The following SOD1 variants were observed in gnomAD, a reference collection of about 807,000 sequenced individuals.
SOD1 encodes superoxide dismutase [Cu-Zn].
A neutral mutation model predicts 15.9 loss-of-function variants in SOD1; 8 were observed. The ratio of observed to expected loss-of-function variants is 0.50; its 90% CI spans 0.30 to 0.91. The LOEUF (loss-of-function observed/expected upper bound fraction) is 0.91, where lower values mean the gene tolerates loss of function less well. SOD1 is among the 40% of genes least tolerant of loss of function. The pLI, the probability that SOD1 is intolerant of heterozygous loss-of-function variation, is 0.07. For synonymous variants in SOD1, 86 were observed against 71.2 expected, an observed-to-expected ratio of 1.21 and a Z score of -1.04; for missense variants, 137 against 194.5, an observed-to-expected ratio of 0.70 and a Z score of 1.76.
chr21:31,661,032 G>A (rs1001341759), intron 1 of SOD1, among the ~76,000 whole-genome samples: 6 of 152,198 alleles, frequency 3.9e-5, no homozygotes, highest in Non-Finnish European at 7.3e-5. Context: ...TGCAAGGAAG[G>A]TGCTTGTGAT....
intron 1 of SOD1, 143 bp downstream of exon 1, chr21:31,659,984 G>C (rs1199490456): frequency 2.8e-6 from 2 of 717,318 alleles, no homozygotes; most frequent in Non-Finnish European, 4.4e-6. Flanking sequence ...CGCCCGGTCG[G>C]TGCCTTCGCC....
At position 31,662,634 on chromosome 21, in the gene SOD1, T is replaced by G. The variant is rs17880227; in HGVS notation, c.73-1156T>G. 2.2e-4 allele frequency among the ~76,000 whole-genome samples: 34 copies of G among 152,322 alleles called. No homozygotes were observed. In the South Asian group the frequency reaches 6.6e-3, roughly 30 times the overall value. On this transcript the variant is annotated intron_variant, in intron 1 of 4. Transcript: ENST00000270142. ...CTAGGTTTCAGTGCTTGAAAAGATT[T>G]CAGAAAGCAGTAGTACGTCTGGTTA...
At chr21:31,664,032 C>T (rs559407424) in intron 2 of SOD1, 146 bp downstream of exon 2, 16 of 670,150 alleles carry the variant, frequency 2.4e-5, no homozygotes, top group South Asian at 6.0e-5. Context: ...AGTGCAGTGG[C>T]GCTGTGCGAT....
At chr21:31,664,670 G>A (rs1275453831) in intron 2 of SOD1, among the ~76,000 whole-genome samples, 1 of 152,136 alleles carries the variant, frequency 6.6e-6, no homozygotes, top group Non-Finnish European at 1.5e-5. Flanking sequence ...CCAGGCTGGA[G>A]TGCAGTGGCG....
At chr21:31,659,909 C>CT (rs1429241977) in intron 1 of SOD1, 68 bp downstream of exon 1, 45 of 1,531,792 alleles carry the variant, frequency 2.9e-5, no homozygotes, top group Middle Eastern at 4.2e-4. Context: ...CGCACCTTTG[C>CT]TAGGAGCGGG....
chr21:31,664,170 A>T (rs1055771795), intron 2 of SOD1: 1 of 382,414 alleles, frequency 2.6e-6, no homozygotes, highest in Non-Finnish European at 5.0e-6. Context: ...GTGGGGTTTC[A>T]TCATGTTGCC....
At chr21:31,665,127 A>G (rs2049582165) in intron 2 of SOD1, among the ~76,000 whole-genome samples, 1 of 152,144 alleles carries the variant, frequency 6.6e-6, no homozygotes, top group African/African-American at 2.4e-5. Context: ...CTGAAGATGG[A>G]ATGCAGAGGA....
chr21:31,667,839 T>C (rs1402891090), intron 4 of SOD1, among the ~76,000 whole-genome samples: 1 of 152,206 alleles, frequency 6.6e-6, no homozygotes, highest in African/African-American at 2.4e-5. Flanking sequence ...TGCATCTGGT[T>C]CTTGCAAAAC....
intron 1 of SOD1, among the ~76,000 whole-genome samples, chr21:31,660,934 A>C (rs896527155): frequency 6.6e-6 from 1 of 152,248 alleles, no homozygotes; most frequent in Admixed American, 6.5e-5. Context: ...CAGGTTGCTA[A>C]GATGGTCAGA....
At chr21:31,660,675 C>A (rs6650814) in intron 1 of SOD1, 16,589 of 152,202 alleles carry the variant, frequency 0.11, 1,691 homozygotes, top group African/African-American at 0.27. Context: ...GCCCAACCTC[C>A]GACCAATTAC....
chr21:31,666,568 C>A, intron 3 of SOD1, 50 bp downstream of exon 3: 1 of 1,280,758 alleles, frequency 7.8e-7, no homozygotes, highest in Non-Finnish European at 1.1e-6. Flanking sequence ...TTCTGGAGTT[C>A]ATATGGTATA....
In SOD1 at chr21:31,659,702, T is replaced by G. The variant is rs1427004829; in HGVS notation, c.-68T>G. 3 of 1,530,884 alleles carry G rather than the reference T, an allele frequency of 2.0e-6. No homozygotes were observed. Among genetic ancestry groups the G allele is most frequent in the Non-Finnish European group, 2.7e-6 (3 of 1,105,404 alleles). The allele number at this position is 1,530,884 out of a possible 1,614,324, so 94.8% of individuals were successfully genotyped here. The stretch of plus-strand genomic sequence containing the variant: ...GACGGGGTGCTGGTTTGCGTCGTAG[T>G]CTCCTGCAGCGTCTGGGGTTTCCGT... On this transcript the variant is annotated 5_prime_UTR_variant, in exon 1 of 5. Coordinates refer to ENST00000270142, the MANE Select transcript of SOD1 (RefSeq NM_000454.5).
At chr21:31,660,597 G>C (rs1037533131) in intron 1 of SOD1, 3 of 152,142 alleles carry the variant, frequency 2.0e-5, no homozygotes, top group African/African-American at 7.2e-5. Flanking sequence ...GGGGATTTTT[G>C]AGGGCAGTGA....
intron 1 of SOD1, chr21:31,660,076 GC>G (rs2049534888): frequency 4.6e-6 from 1 of 217,408 alleles, no homozygotes; most frequent in Non-Finnish European, 8.9e-6. Flanking sequence ...GCGGGGCTGG[GC>G]CTGCGCGTGG....
intron 1 of SOD1, among the ~76,000 whole-genome samples, chr21:31,661,945 C>G (rs1391810679): frequency 6.6e-6 from 1 of 152,188 alleles, no homozygotes; most frequent in Non-Finnish European, 1.5e-5. Context: ...TTTTACAGAT[C>G]AGAATTTTTC....
intron 2 of SOD1, 122 bp downstream of exon 2, chr21:31,664,008 G>C (rs1440659171): frequency 1.3e-6 from 1 of 743,252 alleles, no homozygotes; most frequent in Admixed American, 2.0e-5. Context: ...GTCTTGCTCT[G>C]TCGCTCAGGC....
At chr21:31,661,041 A>G (rs1183008573) in intron 1 of SOD1, among the ~76,000 whole-genome samples, 1 of 152,230 alleles carries the variant, frequency 6.6e-6, no homozygotes, top group African/African-American at 2.4e-5. Flanking sequence ...GGTGCTTGTG[A>G]TAACACTGTC....
chr21:31,660,552 A>C (rs922925353), intron 1 of SOD1: 2 of 152,152 alleles, frequency 1.3e-5, no homozygotes, highest in African/African-American at 4.8e-5. Flanking sequence ...TCCTCCTCCT[A>C]AGCTCCGGGA....
chr21:31,664,156 A>C, intron 2 of SOD1: 1 of 392,270 alleles, frequency 2.5e-6, no homozygotes. Flanking sequence ...ATTTTTTTCT[A>C]GAGGTGGGGT....
Sources: gnomAD v4.1 joint callset for allele counts (sites outside exome capture counted in the v4.1 genomes callset) on GRCh38, gnomAD v4.1.1 for gene constraint, MANE v1.5 for transcripts, NCBI Gene and HGNC (gene_info 2026-07-23, HGNC 2026-07-21) for gene names.